FANCI: variants seen among roughly 807,000 people sequenced by gnomAD.
FANCI encodes FA complementation group I.
FANCI carries 156 observed loss-of-function variants against 176.1 expected under a neutral mutation model. That is an observed-to-expected ratio of 0.89 (90% CI 0.78 to 1.01). The LOEUF is 1.01. Among genes scored for constraint, FANCI ranks in the 50% least tolerant of loss-of-function variants. FANCI has a pLI of 0.00. For missense variants in FANCI, 1,678 were observed against 1,534.1 expected (o/e 1.09, Z -1.57); for synonymous variants, 613 against 541.7 (o/e 1.13, Z -1.83).
At chr15:89,282,084 G>C (rs114347507) in intron 16 of FANCI, 566 of 469,414 alleles carry the variant, frequency 1.2e-3, no homozygotes, top group African/African-American at 0.01. Flanking sequence ...GTTAGGCTTA[G>C]AGAAGATGAG....
At position 89,316,710 on chromosome 15, in the gene FANCI, A is replaced by G. The variant is rs1209239371; in HGVS notation, c.*251A>G. On this transcript the variant is annotated 3_prime_UTR_variant, in exon 38 of 38. Transcript: ENST00000310775. ...GAGTTTGGGAGCCTGCACCACCCCG[A>G]TGAAGCTCCACGGGAGCAAATACAG... is the stretch of plus-strand genomic sequence containing the variant. 1 of 1,526,090 alleles carries G rather than the reference A, an allele frequency of 6.6e-7. No individual in the cohort carries two copies. Among genetic ancestry groups the G allele is most frequent in the East Asian group, 2.2e-5 (1 of 44,478 alleles). The allele number at this position is 1,526,090 out of a possible 1,614,324, so 94.5% of individuals were successfully genotyped here. A position where few individuals can be genotyped will look rare whatever the true frequency, so the allele number is the denominator to read the frequency against.
chr15:89,281,954 C>A, intron 16 of FANCI, 119 bp downstream of exon 16: 1 of 956,204 alleles, frequency 1.0e-6, no homozygotes, highest in Non-Finnish European at 1.7e-6. Flanking sequence ...CCTAGCCCCG[C>A]AGAGCAATTT....
At chr15:89,295,147 A>C in intron 24 of FANCI, 53 bp downstream of exon 24, 1 of 1,519,468 alleles carries the variant, frequency 6.6e-7, no homozygotes, top group Admixed American at 2.3e-5. Flanking sequence ...TGGTGTCTCC[A>C]AGAGAACAAA....
chr15:89,266,328 ATTTTTTTTT>A (rs549962840), intron 9 of FANCI, among the ~76,000 whole-genome samples: 1 of 130,070 alleles, frequency 7.7e-6, no homozygotes, highest in Non-Finnish European at 1.7e-5. Flanking sequence ...TGCCTGGCTA[ATTTTTTTTT>A]TTTTTTTTTG....
chr15:89,265,265 T>G (rs1437398692), intron 9 of FANCI, among the ~76,000 whole-genome samples: 1 of 152,180 alleles, frequency 6.6e-6, no homozygotes. Context: ...TGGAGTACAT[T>G]GGCATGATCT....
At chr15:89,254,088 G>T (rs2052390505) in intron 2 of FANCI, among the ~76,000 whole-genome samples, 1 of 152,146 alleles carries the variant, frequency 6.6e-6, no homozygotes, top group African/African-American at 2.4e-5. Flanking sequence ...GCTCGGTGCG[G>T]TGGCTCACGC....
chr15:89,246,642 A>G (rs2051986002), intron 1 of FANCI, among the ~76,000 whole-genome samples: 1 of 152,062 alleles, frequency 6.6e-6, no homozygotes. Context: ...TGGACTACCT[A>G]TATTTAATCT....
chr15:89,270,418 AACAACATTTCAC>A (rs2053156401), intron 10 of FANCI, among the ~76,000 whole-genome samples: 1 of 152,186 alleles, frequency 6.6e-6, no homozygotes, highest in Non-Finnish European at 1.5e-5. Flanking sequence ...TCCTTTTCCC[AACAACATTTCAC>A]AGAAGGTTTT....
rs1343059856 is a variant in FANCI, at chr15:89,305,189, C to G, written c.3133C>G (p.Leu1045Val). 7 of 1,614,116 alleles carry G rather than the reference C, an allele frequency of 4.3e-6. No individual in the cohort carries two copies. Among genetic ancestry groups the G allele is most frequent in the Non-Finnish European group, 5.1e-6 (6 of 1,180,060 alleles). ...TGTTTCGTATAAGAGTCCTGTCATT[C>G]TGCTGCGTGACTTGTCCCAGGATAT... is the stretch of plus-strand genomic sequence containing the variant. Reference protein sequence around the residue: ...LHVSYKSPVILLRDLSQDIHG... With the variant: ...LHVSYKSPVIVLRDLSQDIHG... The change falls in exon 29 of 38, where the codon CTG becomes GTG. Residue 1045 changes from leucine (L) to valine (V), a missense_variant. Transcript: ENST00000310775.
chr15:89,260,873 G>A (rs374587100), intron 4 of FANCI, 30 bp downstream of exon 4: 66 of 1,611,876 alleles, frequency 4.1e-5, no homozygotes, highest in Non-Finnish European at 5.4e-5. Flanking sequence ...CTTTTATTTG[G>A]GGGTAGGTTT....
At chr15:89,262,402 A>C (rs1399180523) in intron 6 of FANCI, among the ~76,000 whole-genome samples, 2 of 152,178 alleles carry the variant, frequency 1.3e-5, no homozygotes, top group Admixed American at 6.5e-5. Flanking sequence ...GACCAGTATA[A>C]GCATACAGTA....
At chr15:89,249,804 G>T (rs2052158770) in intron 2 of FANCI, among the ~76,000 whole-genome samples, 1 of 152,072 alleles carries the variant, frequency 6.6e-6, no homozygotes, top group African/African-American at 2.4e-5. Context: ...TTAGTAAAGT[G>T]GAATACAGAG....
intron 24 of FANCI, among the ~76,000 whole-genome samples, chr15:89,295,741 A>G (rs35282568): frequency 1.8e-5 from 2 of 112,400 alleles, no homozygotes; most frequent in African/African-American, 7.0e-5. Flanking sequence ...CGCCCCCCCC[A>G]CCTTTTTTTT....
intron 27 of FANCI, among the ~76,000 whole-genome samples, chr15:89,302,722 T>C (rs1044388725): frequency 3.9e-5 from 6 of 151,940 alleles, no homozygotes; most frequent in African/African-American, 9.7e-5. Flanking sequence ...TACAGGCGCC[T>C]GCCACAACAC....
intron 3 of FANCI, among the ~76,000 whole-genome samples, chr15:89,259,922 A>G (rs1596238990): frequency 1.3e-5 from 2 of 152,172 alleles, no homozygotes; most frequent in Admixed American, 1.3e-4. Flanking sequence ...TTTTCTGGCC[A>G]TTATAATACT....
At chr15:89,251,157 A>T (rs940141929) in intron 2 of FANCI, among the ~76,000 whole-genome samples, 3 of 152,200 alleles carry the variant, frequency 2.0e-5, no homozygotes, top group Non-Finnish European at 4.4e-5. Flanking sequence ...AAATCTCAAA[A>T]AATACTGTGA....
chr15:89,269,675 A>G (rs2053123471), intron 10 of FANCI, among the ~76,000 whole-genome samples: 1 of 152,230 alleles, frequency 6.6e-6, no homozygotes, highest in African/African-American at 2.4e-5. Context: ...TTCTGTCACA[A>G]CTACTCAGCT....
At chr15:89,292,553 G>C in intron 20 of FANCI, 135 bp from the exon 21 acceptor site, 1 of 879,622 alleles carries the variant, frequency 1.1e-6, no homozygotes, top group Non-Finnish European at 1.8e-6. Context: ...TGTTAATTTA[G>C]ATGGACTTAA....
In FANCI at chr15:89,276,821, C is replaced by T; in HGVS notation, c.1223C>T (p.Pro408Leu). 2 of 1,614,138 alleles carry T rather than the reference C, an allele frequency of 1.2e-6. No individual in the cohort carries two copies. Among genetic ancestry groups the T allele is most frequent in the Non-Finnish European group, 8.5e-7 (1 of 1,180,026 alleles). Residue 408 changes from proline (P) to leucine (L), a missense_variant, in exon 13 of 38, where the codon CCA (proline) becomes CTA (leucine). By Grantham distance (98) the Pro-to-Leu change is moderately conservative. Transcript: ENST00000310775. The part of the protein sequence containing the change: ...VLDGKTIETS[P>L]SLSRMPNQHA... The stretch of plus-strand genomic sequence containing the variant: ...GATGGAAAAACTATTGAAACCAGCC[C>T]AAGTCTTTCTAGAATGCCAAACCAG...
Sources: allele counts gnomAD v4.1 joint callset (sites outside exome capture counted in the v4.1 genomes callset), GRCh38; gene constraint gnomAD v4.1.1; transcripts MANE v1.5; gene names NCBI Gene and HGNC (gene_info 2026-07-23, HGNC 2026-07-21).